UNC79: variants seen among roughly 807,000 people sequenced by gnomAD.
UNC79 encodes protein unc-79 homolog.
In UNC79, 37 loss-of-function variants were observed where a neutral mutation model predicts 283.1. The ratio of observed to expected loss-of-function variants is 0.13; its 90% CI spans 0.10 to 0.17. The LOEUF is 0.17. UNC79 is among the 10% of genes least tolerant of loss of function. The pLI is 1.00. For missense variants in UNC79, 2,272 were observed against 3,211.1 expected, an observed-to-expected ratio of 0.71 and a Z score of 7.07; for synonymous variants, 1,107 against 1,200.2, an observed-to-expected ratio of 0.92 and a Z score of 1.61.
chr14:93,587,438 A>G (rs1040502794), intron 22 of UNC79, among the ~76,000 whole-genome samples: 2 of 152,256 alleles, frequency 1.3e-5, no homozygotes, highest in Non-Finnish European at 2.9e-5. Context: ...GAAATAAATC[A>G]GAAACATCCT....
At chr14:93,646,617 C>T (rs779017255) in exon 35 of UNC79, 21 of 1,613,642 alleles carry the variant, frequency 1.3e-5, no homozygotes, top group Non-Finnish European at 1.8e-5. Context: ...GATTGGCATC[C>T]AGTACTACCT....
In UNC79 at chr14:93,617,155, C is replaced by T; in HGVS notation, c.4075C>T (p.Leu1359Phe). The change falls in exon 28 of 49, where the codon CTT (leucine) becomes TTT (phenylalanine). Residue 1359 changes from leucine to phenylalanine, a missense_variant. Transcript: ENST00000555664. This position sits in a 1 kb window ranked among gnomAD's most constrained non-coding sequence, Gnocchi z 4.5. ...CTATAACATTAACTTGGGAAAACACCTTCTCCCCTTAGTGGTTCAGGTGCT... is the reference window on the plus strand; with the variant it reads ...CTATAACATTAACTTGGGAAAACACTTTCTCCCCTTAGTGGTTCAGGTGCT... The T allele has an allele frequency of 6.2e-7, 1 of 1,613,614 alleles. No homozygotes were observed. The highest frequency in any genetic ancestry group is 1.1e-5 in the South Asian group (1 of 90,944).
At chr14:93,576,408 G>T (rs1323347319) in intron 17 of UNC79, among the ~76,000 whole-genome samples, 1 of 151,960 alleles carries the variant, frequency 6.6e-6, no homozygotes, top group East Asian at 1.9e-4. Flanking sequence ...ACCTGCACAT[G>T]TGTTCCCCCG....
rs2140324999 is a variant in UNC79, at chr14:93,474,353, C to T, written c.408C>T (p.Thr136=). 6.5e-7 allele frequency: 1 copy of T among 1,535,960 alleles called. No individual in the cohort carries two copies. Among genetic ancestry groups the T allele is most frequent in the Non-Finnish European group, 8.7e-7 (1 of 1,146,824 alleles). ...AAGGCCTCTACGTGACTTTGGTGAC[C>T]CTCCTGGATCTAGTTCCTTTACTAC... is the stretch of plus-strand genomic sequence containing the variant. The change falls in exon 3 of 49, where the codon ACC becomes ACT. Residue 136 remains threonine, a synonymous_variant. Coordinates refer to ENST00000555664, the Ensembl canonical transcript of UNC79. This position sits in a 1 kb window ranked among gnomAD's most constrained non-coding sequence, Gnocchi z 4.1.
At chr14:93,696,004 G>A (rs1464382138) in intron 47 of UNC79, among the ~76,000 whole-genome samples, 2 of 151,022 alleles carry the variant, frequency 1.3e-5, no homozygotes, top group Admixed American at 1.3e-4. Context: ...CTACTGACCT[G>A]CTTTCTGTCA....
intron 8 of UNC79, 77 bp downstream of exon 8, chr14:93,524,119 C>G: frequency 6.7e-7 from 1 of 1,500,084 alleles, no homozygotes; most frequent in Non-Finnish European, 9.3e-7. Context: ...TAGATTGCAT[C>G]CTTCTCTGTA....
At chr14:93,691,435 C>G (rs1296471553) in intron 45 of UNC79, 2 of 458,564 alleles carry the variant, frequency 4.4e-6, no homozygotes, top group African/African-American at 3.9e-5. Flanking sequence ...AATGATTATT[C>G]TCCCTAATCT....
intron 38 of UNC79, among the ~76,000 whole-genome samples, chr14:93,657,927 G>T (rs1206629129): frequency 6.6e-6 from 1 of 152,158 alleles, no homozygotes; most frequent in Non-Finnish European, 1.5e-5. Context: ...GCAGGCTTCT[G>T]GTTGTCTGTC....
At chr14:93,386,768 C>T (rs1392229979) in intron 1 of UNC79, among the ~76,000 whole-genome samples, 2 of 151,746 alleles carry the variant, frequency 1.3e-5, no homozygotes, top group Admixed American at 6.6e-5. Flanking sequence ...AGTTACAGTG[C>T]CTCCTTTTTC....
intron 1 of UNC79, among the ~76,000 whole-genome samples, chr14:93,365,241 C>G (rs867052978): frequency 6.6e-6 from 1 of 151,922 alleles, no homozygotes; most frequent in African/African-American, 2.4e-5. Context: ...CAAAAATTAG[C>G]GGGTTGTGGT....
At chr14:93,666,065 TTGTGTG>T (rs3993787) in intron 40 of UNC79, among the ~76,000 whole-genome samples, 3 of 150,010 alleles carry the variant, frequency 2.0e-5, no homozygotes, top group Non-Finnish European at 4.5e-5. Flanking sequence ...GGGTGTGTGT[TTGTGTG>T]TGTGTGTGTG....
chr14:93,414,787 G>A (rs2055416345), intron 1 of UNC79, among the ~76,000 whole-genome samples: 1 of 152,248 alleles, frequency 6.6e-6, no homozygotes, highest in Non-Finnish European at 1.5e-5. Flanking sequence ...TCTCTTTGAA[G>A]CAATTGTGAA....
chr14:93,457,649 A>G (rs2056834200), intron 1 of UNC79, among the ~76,000 whole-genome samples: 1 of 152,218 alleles, frequency 6.6e-6, no homozygotes, highest in Non-Finnish European at 1.5e-5. Flanking sequence ...TCGATATGCT[A>G]AGTTAATTGT....
intron 40 of UNC79, among the ~76,000 whole-genome samples, chr14:93,669,147 G>A (rs1262499127): frequency 6.6e-6 from 1 of 152,060 alleles, no homozygotes; most frequent in Non-Finnish European, 1.5e-5. Flanking sequence ...CAACCTATAG[G>A]TTTAGTATAA....
At chr14:93,461,314 GAA>G (rs1426304091) in intron 1 of UNC79, among the ~76,000 whole-genome samples, 5 of 152,234 alleles carry the variant, frequency 3.3e-5, no homozygotes, top group African/African-American at 1.2e-4. Context: ...ACTTAAAAAG[GAA>G]AGATTTAAAA....
At chr14:93,697,440 CTCTG>C (rs1392562093) in intron 47 of UNC79, among the ~76,000 whole-genome samples, 3 of 152,076 alleles carry the variant, frequency 2.0e-5, no homozygotes, top group Non-Finnish European at 4.4e-5. Flanking sequence ...CCGGCCAGAT[CTCTG>C]TCTATTTTTA....
At position 93,472,132 on chromosome 14, in the gene UNC79, C is replaced by A. The variant is rs116461650; in HGVS notation, c.144-1957C>A. ...CACATTTTGTAATTTTGAAAAGATG[C>A]CAATAGTAGGTTAATTTAGGGCCGA... On this transcript the variant is annotated intron_variant, in intron 2 of 48. Coordinates refer to ENST00000555664, the Ensembl canonical transcript of UNC79. Among the ~76,000 whole-genome samples the A allele has an allele frequency of 3.8e-3, 581 of 152,048 alleles. 2 individuals carry two copies. The highest frequency in any genetic ancestry group is 0.013 in the African/African-American group (556 of 41,498).
chr14:93,372,077 A>G (rs1000699655), intron 1 of UNC79, among the ~76,000 whole-genome samples: 56 of 152,246 alleles, frequency 3.7e-4, no homozygotes, highest in African/African-American at 1.4e-3. Flanking sequence ...TTCAGAGAGA[A>G]GGAAAATAAT....
At chr14:93,348,146 T>TGACGTCC in intron 1 of UNC79, 1 of 1,420,388 alleles carries the variant, frequency 7.0e-7, no homozygotes, top group Non-Finnish European at 9.9e-7. Flanking sequence ...GAACAGCTGT[T>TGACGTCC]AACGTCCAAA....
Sources: gnomAD v4.1 joint callset for allele counts (sites outside exome capture counted in the v4.1 genomes callset) on GRCh38, gnomAD v4.1.1 for gene constraint, Gnocchi (gnomAD v3.1) non-coding constraint, MANE v1.5 for transcripts, NCBI Gene and HGNC (gene_info 2026-07-23, HGNC 2026-07-21) for gene names.